Variants in SPTBN1 observed in about 807,000 individuals in gnomAD.
SPTBN1 encodes spectrin beta chain, non-erythrocytic 1.
In SPTBN1, 32 loss-of-function variants were observed where a neutral mutation model predicts 266.4. The ratio of observed to expected loss-of-function variants is 0.12; its 90% CI spans 0.09 to 0.16. The LOEUF is 0.16. SPTBN1 is among the 10% of genes least tolerant of loss of function. SPTBN1 has a pLI of 1.00. For missense variants in SPTBN1, 2,296 were observed against 3,067.1 expected, an observed-to-expected ratio of 0.75 and a Z score of 5.94; for synonymous variants, 1,336 against 1,162.2, an observed-to-expected ratio of 1.15 and a Z score of -3.04.
intron 2 of SPTBN1, among the ~76,000 whole-genome samples, chr2:54,591,132 C>T (rs1203740728): frequency 1.3e-5 from 2 of 152,134 alleles, no homozygotes; most frequent in African/African-American, 2.4e-5. Flanking sequence ...TTTGTATCCC[C>T]AGCTAGATTT....
rs752332390 is a variant in SPTBN1, at chr2:54,645,189, T to C, written c.4270-40T>C. The C allele has an allele frequency of 1.9e-5, 30 of 1,609,168 alleles. 1 individual carries two copies. In the South Asian group the frequency reaches 1.9e-4, roughly 10 times the overall value. On this transcript the variant is annotated intron_variant, in intron 20 of 35. Transcript: ENST00000356805. The surrounding 1 kb of genome is among the most constrained non-coding windows in gnomAD (Gnocchi z 4.3). ...GCTTAGAGCCAGTCACTGCAAAAGA[T>C]AGTCTGTGCTGAGCGCTGAGGCTGC...
At chr2:54,553,016 C>A (rs1048007855) in intron 2 of SPTBN1, among the ~76,000 whole-genome samples, 6 of 152,190 alleles carry the variant, frequency 3.9e-5, no homozygotes, top group African/African-American at 1.4e-4. Context: ...CATAGAAATA[C>A]CAGTGTCAAA....
Position 54,563,790 on chromosome 2 carries a change from G to A in SPTBN1, c.149-35302G>A, listed in dbSNP as rs893093053. Among the ~76,000 whole-genome samples the A allele has an allele frequency of 4.0e-5, 6 of 151,796 alleles. No individual in the cohort carries two copies. The East Asian group carries it at 7.7e-4, about 20-fold the overall frequency. ...GGCTAATTTTTGCATTTTTAGTAGA[G>A]ATGGGGTTTCGCCATATTGGCCAGG... On this transcript the variant is annotated intron_variant, in intron 2 of 35. Coordinates refer to ENST00000356805, the MANE Select transcript of SPTBN1 (RefSeq NM_003128.3).
intron 17 of SPTBN1, among the ~76,000 whole-genome samples, chr2:54,634,093 T>C (rs1208472106): frequency 6.6e-6 from 1 of 152,206 alleles, no homozygotes; most frequent in Non-Finnish European, 1.5e-5. Flanking sequence ...TAATATTAAC[T>C]CTGAGTATTT....
At position 54,649,695 on chromosome 2, in the gene SPTBN1, G is replaced by C. The variant is rs377177782; in HGVS notation, c.5283G>C (p.Leu1761=). The change falls in exon 26 of 36, where the codon CTG becomes CTC. Residue 1761 remains leucine (L), a synonymous_variant. Coordinates refer to ENST00000356805, the MANE Select transcript of SPTBN1 (RefSeq NM_003128.3). This position sits in a 1 kb window ranked among gnomAD's most constrained non-coding sequence, Gnocchi z 6.7. ...GQERVDTVNH[L]ADELINSGHS... ...AGCGCGTGGACACGGTCAATCACCT[G>C]GCAGATGAGCTCATCAACTCTGGAC... The C allele has an allele frequency of 3.1e-6, 5 of 1,614,002 alleles. No homozygotes were observed. The African/African-American group carries it at 6.7e-5, about 22-fold the overall frequency.
At position 54,631,453 on chromosome 2, in the gene SPTBN1, C is replaced by T; in HGVS notation, c.3406C>T (p.Gln1136Ter). 1 of 1,614,230 alleles carries T rather than the reference C, an allele frequency of 6.2e-7. No homozygotes were observed. ...GGTCACCCAGGGGCAGACCGATGCC[C>T]AGTACATGTTTCTGCGGCAGCGGCT... is the stretch of plus-strand genomic sequence containing the variant. The part of the protein sequence containing the change: ...EMVTQGQTDA[Q>*]YMFLRQRLQA... Residue 1136 changes from glutamine to a stop codon, truncating the protein, a stop_gained, in exon 16 of 36, where the codon CAG (glutamine) becomes TAG (stop). Transcript: ENST00000356805. LOFTEE classifies it high-confidence loss of function.
chr2:54,648,265 T>A (rs1452419914), intron 24 of SPTBN1, among the ~76,000 whole-genome samples: 1 of 152,222 alleles, frequency 6.6e-6, no homozygotes, highest in East Asian at 1.9e-4. Context: ...ATGTTCATGA[T>A]CAGGATTCCC....
Position 54,612,222 on chromosome 2 carries a change from A to C in SPTBN1, c.362A>C (p.Gln121Pro). Residue 121 changes from glutamine (Q) to proline (P), a missense_variant, in exon 4 of 36, where the codon CAG becomes CCG. Physicochemically the swap from Gln to Pro is moderately conservative, Grantham distance 76 (BLOSUM62 -1). Around this residue, in one of 12 missense-constraint regions of SPTBN1, gnomAD observed 178 missense variants for 375.7 expected, o/e 0.47. Coordinates refer to ENST00000356805, the MANE Select transcript of SPTBN1 (RefSeq NM_003128.3). ...TTAGAGAATGTGGACAAGGCCCTTC[A>C]GTTCCTGAAGGAGCAGAGAGTCCAT... ...HCLENVDKAL[Q>P]FLKEQRVHLE... 6.2e-7 allele frequency: 1 copy of C among 1,614,014 alleles called. No homozygotes were observed. Among genetic ancestry groups the C allele is most frequent in the Non-Finnish European group, 8.5e-7 (1 of 1,179,916 alleles).
intron 1 of SPTBN1, chr2:54,515,607 C>CT (rs1310694457): frequency 2.0e-5 from 3 of 152,212 alleles, no homozygotes; most frequent in African/African-American, 4.8e-5. Context: ...TCACAGCTTA[C>CT]TGCAGCCTTG....
intron 2 of SPTBN1, among the ~76,000 whole-genome samples, chr2:54,530,002 C>G (rs1671115872): frequency 6.6e-6 from 1 of 151,686 alleles, no homozygotes; most frequent in Non-Finnish European, 1.5e-5. Flanking sequence ...GGAGGGAGTG[C>G]TATTGTGGGG....
intron 1 of SPTBN1, among the ~76,000 whole-genome samples, chr2:54,518,275 CGGG>C (rs1030548871): frequency 6.0e-5 from 9 of 149,140 alleles, no homozygotes; most frequent in African/African-American, 2.2e-4. Context: ...GGACACAGGG[CGGG>C]GAACATCACA....
chr2:54,598,946 C>A, intron 2 of SPTBN1, 146 bp from the exon 3 acceptor site: 2 of 761,744 alleles, frequency 2.6e-6, no homozygotes, highest in Non-Finnish European at 4.2e-6. Flanking sequence ...AAGACATGAC[C>A]GCAGTTAAGG....
chr2:54,492,345 TTTTG>T (rs1558775126), intron 1 of SPTBN1, among the ~76,000 whole-genome samples: 8 of 149,120 alleles, frequency 5.4e-5, no homozygotes, highest in South Asian at 2.1e-4. Flanking sequence ...GCAGTTGTTT[TTTTG>T]TTTTTTTTTT....
At position 54,563,039 on chromosome 2, in the gene SPTBN1, A is replaced by G. The variant is rs1386195480; in HGVS notation, c.149-36053A>G. On this transcript the variant is annotated intron_variant, in intron 2 of 35. Coordinates refer to ENST00000356805, the MANE Select transcript of SPTBN1 (RefSeq NM_003128.3). ...ACATACCTGTGAAGTTTTAGAGGTG[A>G]TAAGATAGAGGCAAATAACTCATCC... 2.6e-5 allele frequency among the ~76,000 whole-genome samples: 4 copies of G among 152,200 alleles called. No individual in the cohort carries two copies. The South Asian group carries it at 6.2e-4, about 24-fold the overall frequency.
chr2:54,507,782 A>C (rs571090237), intron 1 of SPTBN1, among the ~76,000 whole-genome samples: 24 of 142,730 alleles, frequency 1.7e-4, no homozygotes, highest in Non-Finnish European at 2.8e-4. Context: ...AGCACTCTTC[A>C]TTTAAAAATA....
chr2:54,468,552 C>T (rs1221690911), intron 1 of SPTBN1, among the ~76,000 whole-genome samples: 1 of 152,034 alleles, frequency 6.6e-6, no homozygotes, highest in Non-Finnish European at 1.5e-5. Context: ...CATGGCAAAA[C>T]ATAAAATCTA....
chr2:54,531,669 TACA>T lies in SPTBN1; in HGVS notation c.148+5108_148+5110del, dbSNP rs1378038938. On this transcript the variant is annotated intron_variant, in intron 2 of 35. Transcript: ENST00000356805. ...CACTTGTCCAGTACCAGCTTATCAT[TACA>T]ACAATGAATCGGCCAGCAATCAGTC... 2.0e-5 allele frequency among the ~76,000 whole-genome samples: 3 copies of T among 152,142 alleles called. No homozygotes were observed. The South Asian group carries it at 6.2e-4, about 32-fold the overall frequency.
chr2:54,570,885 C>T (rs988451919), intron 2 of SPTBN1, among the ~76,000 whole-genome samples: 1 of 151,790 alleles, frequency 6.6e-6, no homozygotes, highest in African/African-American at 2.4e-5. Context: ...CAGTGAGTTC[C>T]TATAGATTGC....
chr2:54,568,340 A>T (rs1210156929), intron 2 of SPTBN1, among the ~76,000 whole-genome samples: 2 of 133,524 alleles, frequency 1.5e-5, no homozygotes, highest in Non-Finnish European at 3.1e-5. Context: ...ACAGAGTAAG[A>T]CTCTGTCTCA....
Sources: allele counts gnomAD v4.1 joint callset (sites outside exome capture counted in the v4.1 genomes callset), GRCh38; gene constraint gnomAD v4.1.1; regional missense constraint gnomAD v4.1.1; non-coding constraint Gnocchi (gnomAD v3.1); transcripts MANE v1.5; gene names NCBI Gene and HGNC (gene_info 2026-07-23, HGNC 2026-07-21).